NMNAT1: variants seen among roughly 807,000 people sequenced by gnomAD.
NMNAT1 encodes the protein nicotinamide/nicotinic acid mononucleotide adenylyltransferase 1.
In NMNAT1, 11 loss-of-function variants were observed where a neutral mutation model predicts 16.7. That is an observed-to-expected ratio of 0.66 (90% confidence interval 0.41 to 1.09). NMNAT1 has a LOEUF of 1.09. Among genes scored for constraint, NMNAT1 ranks in the 50% least tolerant of loss-of-function variants. NMNAT1 has a pLI of 0.00. For synonymous variants in NMNAT1, 110 were observed against 119.8 expected (o/e 0.92, Z 0.53); for missense variants, 280 against 332.3 (o/e 0.84, Z 1.22).
chr1:9,989,491 G>C (rs1642084276), downstream of NMNAT1, among the ~76,000 whole-genome samples: 1 of 152,008 alleles, frequency 6.6e-6, no homozygotes, highest in Non-Finnish European at 1.5e-5. Context: ...GCAGAGAGTG[G>C]AGAAGCAGCT....
chr1:9,962,685 T>TG (rs1312174536), intron 1 of NMNAT1, among the ~76,000 whole-genome samples: 21 of 129,936 alleles, frequency 1.6e-4, no homozygotes, highest in Non-Finnish European at 2.8e-4. Context: ...GGGTTTTTTT[T>TG]TTTTTTTTTT....
At chr1:9,974,155 A>G (rs982891915) in intron 2 of NMNAT1, among the ~76,000 whole-genome samples, 6 of 151,894 alleles carry the variant, frequency 4.0e-5, no homozygotes, top group Admixed American at 6.6e-5. Context: ...TAACAGTTTC[A>G]TGTGTATCCT....
chr1:9,980,791 G>C (rs1302320839), intron 3 of NMNAT1, among the ~76,000 whole-genome samples: 1 of 151,386 alleles, frequency 6.6e-6, no homozygotes, highest in Non-Finnish European at 1.5e-5. Flanking sequence ...CGAGTAGCTG[G>C]GATTACAGGT....
At chr1:9,954,573 TC>T (rs1453230337) in intron 1 of NMNAT1, among the ~76,000 whole-genome samples, 2 of 152,128 alleles carry the variant, frequency 1.3e-5, no homozygotes, top group Non-Finnish European at 2.9e-5. Context: ...CATCTCTTGA[TC>T]AATGACTATT....
At chr1:9,972,804 T>A (rs1641718647) in intron 2 of NMNAT1, among the ~76,000 whole-genome samples, 1 of 151,948 alleles carries the variant, frequency 6.6e-6, no homozygotes, top group African/African-American at 2.4e-5. Flanking sequence ...CAAAAAAAAT[T>A]GTAAACATTA....
At chr1:9,973,609 G>T (rs1321079966) in intron 2 of NMNAT1, among the ~76,000 whole-genome samples, 1 of 149,140 alleles carries the variant, frequency 6.7e-6, no homozygotes, top group African/African-American at 2.5e-5. Context: ...TTGGGAGGCT[G>T]AGGCAGGAGG....
At chr1:9,979,675 G>A (rs550372136) in intron 3 of NMNAT1, among the ~76,000 whole-genome samples, 5 of 151,612 alleles carry the variant, frequency 3.3e-5, no homozygotes, top group South Asian at 2.1e-4. Flanking sequence ...GGTGGTGGGC[G>A]CCTGTAGTCC....
At chr1:9,966,258 C>T (rs1408986209) in intron 1 of NMNAT1, among the ~76,000 whole-genome samples, 1 of 151,892 alleles carries the variant, frequency 6.6e-6, no homozygotes, top group Non-Finnish European at 1.5e-5. Context: ...GAGATCGTGC[C>T]ACTGCACTCC....
chr1:9,992,462 C>T, the NMNAT1 span, among the ~76,000 whole-genome samples: 2 of 152,160 alleles, frequency 1.3e-5, no homozygotes, highest in African/African-American at 2.4e-5. Flanking sequence ...AGCAAGCATT[C>T]ATCCCAGTTT....
Position 9,982,719 on chromosome 1 carries a change from A to G in NMNAT1, c.*18A>G. 1 of 1,564,818 alleles carries G rather than the reference A, an allele frequency of 6.4e-7. No individual in the cohort carries two copies. The highest frequency in any genetic ancestry group is 1.2e-5 in the South Asian group (1 of 83,664). ...AGACATAGGAATTCTACAGCATGAT[A>G]TTTCAGACTTCCCATTTGGGGATCT... On this transcript the variant is annotated 3_prime_UTR_variant, in exon 5 of 5. Transcript: ENST00000377205.
chr1:9,964,577 T>A (rs1641498262), intron 1 of NMNAT1, among the ~76,000 whole-genome samples: 1 of 152,006 alleles, frequency 6.6e-6, no homozygotes, highest in African/African-American at 2.4e-5. Context: ...TCTATACTTT[T>A]GTTTTTGTAA....
intron 1 of NMNAT1, among the ~76,000 whole-genome samples, chr1:9,971,131 G>T (rs1483141078): frequency 6.6e-6 from 1 of 152,088 alleles, no homozygotes; most frequent in East Asian, 1.9e-4. Flanking sequence ...GGGAGCATCG[G>T]TGCTCTCCCA....
At chr1:9,959,098 A>C (rs1366643116) in intron 1 of NMNAT1, among the ~76,000 whole-genome samples, 5 of 152,184 alleles carry the variant, frequency 3.3e-5, no homozygotes, top group Non-Finnish European at 7.3e-5. Context: ...TTGGTCGGGC[A>C]CAGTGGCTTA....
At chr1:9,954,978 C>T (rs896066156) in intron 1 of NMNAT1, among the ~76,000 whole-genome samples, 3 of 151,150 alleles carry the variant, frequency 2.0e-5, no homozygotes, top group Non-Finnish European at 4.4e-5. Context: ...GTTCCGTACT[C>T]AAATTATAGA....
intron 1 of NMNAT1, among the ~76,000 whole-genome samples, chr1:9,963,412 C>CTT (rs546237656): frequency 1.4e-5 from 2 of 144,988 alleles, no homozygotes; most frequent in South Asian, 2.2e-4. Context: ...CCCACTATTT[C>CTT]TTTTTTTTTT....
At chr1:9,970,450 T>A (rs1641661991) in intron 1 of NMNAT1, among the ~76,000 whole-genome samples, 1 of 152,000 alleles carries the variant, frequency 6.6e-6, no homozygotes, top group African/African-American at 2.4e-5. Context: ...ATCCCAGCAC[T>A]TTGGGAAGCT....
chr1:9,981,168 A>T lies in NMNAT1; in HGVS notation c.437A>T (p.Lys146Ile), dbSNP rs1212845371. 2 of 1,610,164 alleles carry T rather than the reference A, an allele frequency of 1.2e-6. No individual in the cohort carries two copies. Among genetic ancestry groups the T allele is most frequent in the South Asian group, 1.1e-5 (1 of 90,380 alleles). ...AAGAAATCCCTAGAGCCAAAAACAA[A>T]AGGTTTGTATGTTTTAGCAGGACCC... is the stretch of plus-strand genomic sequence containing the variant. ...SQKKSLEPKT[K>I]AVPKVKLLCG... is the part of the protein sequence containing the mutation. The change falls in exon 4 of 5, where the codon AAA becomes ATA. Residue 146 changes from lysine to isoleucine, a missense_variant and splice_region_variant. Physicochemically the swap from Lys to Ile is moderately radical, Grantham distance 102. Transcript: ENST00000377205.
chr1:9,972,219 C>A, intron 2 of NMNAT1, 31 bp downstream of exon 2: 1 of 1,223,444 alleles, frequency 8.2e-7, no homozygotes, highest in South Asian at 1.2e-5. Context: ...TGGCTTAAGA[C>A]TAGAGAACCA....
intron 1 of NMNAT1, among the ~76,000 whole-genome samples, chr1:9,962,677 GTTTTTTTTTTT>G (rs34747915): frequency 1.3e-5 from 1 of 74,218 alleles, no homozygotes; most frequent in Non-Finnish European, 2.2e-5. Context: ...CCAAATAAGG[GTTTTTTTTTTT>G]TTTTTTTTTT....
Sources: allele counts gnomAD v4.1 joint callset (sites outside exome capture counted in the v4.1 genomes callset), GRCh38; gene constraint gnomAD v4.1.1; transcripts MANE v1.5; gene names NCBI Gene and HGNC (gene_info 2026-07-23, HGNC 2026-07-21).